HMCN2: variants seen among roughly 807,000 people sequenced by gnomAD.
HMCN2 encodes the protein hemicentin 2, also known as hemicentin-2.
In HMCN2, 325 loss-of-function variants were observed where a neutral mutation model predicts 377.5. The ratio of observed to expected loss-of-function variants is 0.86; its 90% CI spans 0.79 to 0.94. The LOEUF (loss-of-function observed/expected upper bound fraction) is 0.94. Ranked by LOEUF, HMCN2 falls within the 40% of genes least tolerant of loss-of-function variation. The pLI is 0.00. For missense variants in HMCN2, 4,543 were observed against 4,725.3 expected (o/e 0.96, Z 1.13); for synonymous variants, 2,007 against 2,046.8 (o/e 0.98, Z 0.53).
Position 130,355,840 on chromosome 9 carries a change from A to AGTACCCACTATCCAGTGAGTCT in HMCN2, c.5243_5255+9dup. On this transcript the variant is annotated stop_gained and frameshift_variant, in exon 33 of 98. Transcript: ENST00000683500. LOFTEE classifies it high-confidence loss of function. ...TTCCCTGCCAGGCCTCAGGCTCCCC[A>AGTACCCACTATCCAGTGAGTCT]GTACCCACTATCCAGTGAGTCTGGG... 7.7e-7 allele frequency: 1 copy of AGTACCCACTATCCAGTGAGTCT among 1,303,016 alleles called. No individual in the cohort carries two copies. The highest frequency in any genetic ancestry group is 1.0e-6 in the Non-Finnish European group (1 of 988,180). 80.7% of individuals were successfully genotyped at this position (1,303,016 alleles called of 1,614,324 possible).
rs767210775 is a variant in HMCN2 at position 130,358,463 on chromosome 9, G to A, written c.5654G>A (p.Arg1885Lys). The change falls in exon 36 of 98, where the codon AGG (arginine) becomes AAG (lysine). Residue 1885 changes from arginine (R) to lysine (K), a missense_variant. Physicochemically the swap from Arg to Lys is conservative, Grantham distance 26. This residue lies in a region of HMCN2 where 1,032 missense variants were observed against 1,285.1 expected (regional missense o/e 0.80). Coordinates refer to ENST00000683500, the MANE Select transcript of HMCN2 (RefSeq NM_001291815.2). ...AATNLAGESK[R>K]EVALKVLVPP... is the part of the protein sequence containing the mutation. Reference sequence around the variant, plus strand: ...ACCAACCTGGCTGGGGAGAGCAAGAGGGAAGTGGCGCTGAAAGTTTTGGGT... The same window carrying A: ...ACCAACCTGGCTGGGGAGAGCAAGAAGGAAGTGGCGCTGAAAGTTTTGGGT... 5.4e-6 allele frequency: 7 copies of A among 1,304,254 alleles called. No homozygotes were observed. Among genetic ancestry groups the A allele is most frequent in the African/African-American group, 1.5e-5 (1 of 65,874 alleles). The allele number at this position is 1,304,254 out of a possible 1,614,324, so 80.8% of individuals were successfully genotyped here.
chr9:130,403,222 C>T lies in HMCN2; in HGVS notation c.11907C>T (p.Ser3969=), dbSNP rs151127426. 96 of 1,289,730 alleles carry T rather than the reference C, an allele frequency of 7.4e-5. 1 individual carries two copies. In the East Asian group the frequency reaches 3.1e-3, roughly 41 times the overall value. 79.9% of individuals were successfully genotyped at this position (1,289,730 alleles called of 1,614,324 possible). The change falls in exon 79 of 98, where the codon AGC becomes AGT. Residue 3969 remains serine (S), a synonymous_variant. Coordinates refer to ENST00000683500, the MANE Select transcript of HMCN2 (RefSeq NM_001291815.2). ...CCCCGGTGGTGAAGCCGCTGCCCAG[C>T]GTGGTTCGGGCAGTGGCAGAGGAGG... is the stretch of plus-strand genomic sequence containing the variant. The part of the protein sequence containing the change: ...QASPVVKPLP[S]VVRAVAEEEV...
intron 49 of HMCN2, among the ~76,000 whole-genome samples, chr9:130,375,212 CG>C (rs1465605456): frequency 6.6e-6 from 1 of 152,192 alleles, no homozygotes; most frequent in Admixed American, 6.5e-5. Flanking sequence ...CTCTACTCAG[CG>C]GGGAACAAAG....
chr9:130,417,523 A>AG (rs1201856995), intron 85 of HMCN2, among the ~76,000 whole-genome samples: 1 of 109,592 alleles, frequency 9.1e-6, no homozygotes, highest in Non-Finnish European at 1.9e-5. Context: ...CTCCGTCTCA[A>AG]AAAAAAAAAA....
chr9:130,266,382 C>G (rs370241410), intron 1 of HMCN2, among the ~76,000 whole-genome samples: 4 of 152,202 alleles, frequency 2.6e-5, no homozygotes, highest in South Asian at 4.1e-4. Flanking sequence ...CCTGCTCTCC[C>G]GCGCCGTTGT....
At position 130,398,620 on chromosome 9, in the gene HMCN2, G is replaced by T. The variant is rs1842721951; in HGVS notation, c.11396G>T (p.Cys3799Phe). The change falls in exon 75 of 98, where the codon TGC becomes TTC. Residue 3799 changes from cysteine to phenylalanine, a missense_variant. By Grantham distance (205) the Cys-to-Phe change is radical. Around this residue, in one of 5 missense-constraint regions of HMCN2, gnomAD observed 1,073 missense variants for 1,319.5 expected, o/e 0.81. Transcript: ENST00000683500. ...GCCCACACCCCAGCCTTGCTGCCCT[G>T]CGAGGCCAGCGGCTCCCCTAAGCCC... Reference protein sequence around the residue: ...LTAHTPALLPCEASGSPKPLV... With the variant: ...LTAHTPALLPFEASGSPKPLV... 7 of 1,288,142 alleles carry T rather than the reference G, an allele frequency of 5.4e-6. No individual in the cohort carries two copies. The highest frequency in any genetic ancestry group is 7.1e-6 in the Non-Finnish European group (7 of 987,646). 79.8% of individuals were successfully genotyped at this position (1,288,142 alleles called of 1,614,324 possible).
intron 66 of HMCN2, among the ~76,000 whole-genome samples, chr9:130,392,769 G>C (rs1459495888): frequency 6.6e-6 from 1 of 152,118 alleles, no homozygotes; most frequent in Non-Finnish European, 1.5e-5. Context: ...GGCCAAGGCG[G>C]GCAGATTACA....
chr9:130,302,194 C>T (rs992427526), intron 8 of HMCN2, among the ~76,000 whole-genome samples: 19 of 152,138 alleles, frequency 1.2e-4, no homozygotes, highest in South Asian at 1.0e-3. Context: ...ATTACAGGAA[C>T]GCGACACCAC....
chr9:130,430,041 G>A, intron 94 of HMCN2: 1 of 602,144 alleles, frequency 1.7e-6, no homozygotes. Flanking sequence ...GGGCTGAGGG[G>A]GAGCTGGAGT....
rs1843838316 is a variant in HMCN2, at chr9:130,418,964, G to C, written c.13154G>C (p.Gly4385Ala). 6.5e-7 allele frequency: 1 copy of C among 1,531,044 alleles called. No homozygotes were observed. Among genetic ancestry groups the C allele is most frequent in the Non-Finnish European group, 8.8e-7 (1 of 1,136,580 alleles). The allele number at this position is 1,531,044 out of a possible 1,614,324, so 94.8% of individuals were successfully genotyped here. A position where few individuals can be genotyped will look rare whatever the true frequency, so the allele number is the denominator to read the frequency against. ...CTGTGGCTGGAGAACGTGGAGACTG[G>C]GGATGCAGGCACCTACGACTGCGTC... ...GSLWLENVET[G>A]DAGTYDCVAH... Residue 4385 changes from glycine to alanine, a missense_variant, in exon 86 of 98, where the codon GGG (glycine) becomes GCG (alanine). Gly to Ala is a moderately conservative substitution (Grantham distance 60, BLOSUM62 0). This residue lies in a region of HMCN2 where 1,155 missense variants were observed against 1,157.7 expected (regional missense o/e 1.00). Coordinates refer to ENST00000683500, the MANE Select transcript of HMCN2 (RefSeq NM_001291815.2).
chr9:130,412,516 T>G (rs1426460513), intron 85 of HMCN2, among the ~76,000 whole-genome samples: 1 of 152,024 alleles, frequency 6.6e-6, no homozygotes, highest in Non-Finnish European at 1.5e-5. Context: ...TTTAAAAATC[T>G]TTGCCTAATC....
In HMCN2 at chr9:130,384,449, C is replaced by A. The variant is rs571399667; in HGVS notation, c.8907C>A (p.Asp2969Glu). 28 of 1,304,082 alleles carry A rather than the reference C, an allele frequency of 2.1e-5. No homozygotes were observed. The highest frequency in any genetic ancestry group is 2.7e-5 in the Non-Finnish European group (27 of 988,970). The allele number at this position is 1,304,082 out of a possible 1,614,324, so 80.8% of individuals were successfully genotyped here. ...ACAGCAGCGTCTCCCTCCCTTGCGA[C>A]GTCCACGCTCACCCAAACCCCGAGG... The part of the protein sequence containing the change: ...ILNSSVSLPC[D>E]VHAHPNPEVT... The change falls in exon 58 of 98, where the codon GAC becomes GAA. Residue 2969 changes from aspartate (D) to glutamate (E), a missense_variant. This residue lies in a region of HMCN2 where 736 missense variants were observed against 773.2 expected (regional missense o/e 0.95). Coordinates refer to ENST00000683500, the MANE Select transcript of HMCN2 (RefSeq NM_001291815.2).
intron 40 of HMCN2, among the ~76,000 whole-genome samples, chr9:130,364,171 C>G (rs1840563513): frequency 6.6e-6 from 1 of 152,214 alleles, no homozygotes; most frequent in Non-Finnish European, 1.5e-5. Flanking sequence ...GCGGCCCCAT[C>G]AGGTGGGGAT....
intron 1 of HMCN2, among the ~76,000 whole-genome samples, chr9:130,278,274 A>G (rs10435906): frequency 0.81 from 122,494 of 151,632 alleles, 49,945 homozygotes; most frequent in African/African-American, 0.93. Flanking sequence ...ACAGGCGCCC[A>G]CCACCACGCC....
At chr9:130,330,401 T>G (rs988017158) in intron 22 of HMCN2, among the ~76,000 whole-genome samples, 6 of 152,232 alleles carry the variant, frequency 3.9e-5, no homozygotes, top group East Asian at 3.9e-4. Context: ...CAGCGCCCTG[T>G]AGGTGGTTGG....
intron 61 of HMCN2, among the ~76,000 whole-genome samples, chr9:130,386,773 G>C (rs892229790): frequency 3.3e-5 from 5 of 152,208 alleles, no homozygotes; most frequent in Non-Finnish European, 7.3e-5. Context: ...GCCTCCCAAA[G>C]TGCTGACATT....
chr9:130,278,819 G>A (rs1333002663), intron 1 of HMCN2, among the ~76,000 whole-genome samples: 2 of 151,204 alleles, frequency 1.3e-5, no homozygotes, highest in East Asian at 3.9e-4. Context: ...AACCTCAGGT[G>A]ATCCACCCGC....
intron 22 of HMCN2, among the ~76,000 whole-genome samples, chr9:130,337,525 C>T (rs889750941): frequency 1.1e-4 from 16 of 152,196 alleles, no homozygotes; most frequent in Admixed American, 7.8e-4. Flanking sequence ...TGATAGACTC[C>T]GTTTACCAGC....
intron 19 of HMCN2, among the ~76,000 whole-genome samples, chr9:130,325,096 C>CTTTTTTTTTT (rs878863979): frequency 3.9e-5 from 5 of 128,066 alleles, no homozygotes; most frequent in Admixed American, 1.7e-4. Flanking sequence ...TCTTCTTCTT[C>CTTTTTTTTTT]TTTTTTTTTT....
Sources: gnomAD v4.1 joint callset for allele counts (sites outside exome capture counted in the v4.1 genomes callset) on GRCh38, gnomAD v4.1.1 for gene constraint, gnomAD v4.1.1 regional missense constraint, MANE v1.5 for transcripts, NCBI Gene and HGNC (gene_info 2026-07-23, HGNC 2026-07-21) for gene names.